KLHL20: variants seen among roughly 807,000 people sequenced by gnomAD.
The protein encoded by KLHL20 is kelch-like protein 20.
In KLHL20, 29 loss-of-function variants were observed where a neutral mutation model predicts 69.5. The observed-to-expected ratio is 0.42, with a 90% confidence interval of 0.31 to 0.57. The LOEUF is 0.57. KLHL20 is among the 20% of genes least tolerant of loss of function. The pLI is 0.18. For synonymous variants in KLHL20, 253 were observed against 265.2 expected (o/e 0.95, Z 0.45); for missense variants, 419 against 776.0 (o/e 0.54, Z 5.47).
chr1:173,748,150 A>G (rs1266126422), intron 3 of KLHL20, among the ~76,000 whole-genome samples: 1 of 152,112 alleles, frequency 6.6e-6, no homozygotes, highest in Non-Finnish European at 1.5e-5. Context: ...TATCTATGAA[A>G]TAAATTGAAT....
At chr1:173,726,108 C>T (rs182066392) in intron 2 of KLHL20, among the ~76,000 whole-genome samples, 1 of 152,192 alleles carries the variant, frequency 6.6e-6, no homozygotes, top group African/African-American at 2.4e-5. Context: ...TATCCCGCGC[C>T]TGGCTCAGAG....
At chr1:173,754,787 AAAG>A (rs778603676) in intron 5 of KLHL20, among the ~76,000 whole-genome samples, 4 of 152,186 alleles carry the variant, frequency 2.6e-5, no homozygotes, top group Non-Finnish European at 5.9e-5. Context: ...GTCATATTTA[AAAG>A]AAGACCCTTC....
At position 173,741,760 on chromosome 1, in the gene KLHL20, AT is replaced by A. The variant is rs1005533250; in HGVS notation, c.597+7476del. On this transcript the variant is annotated intron_variant, in intron 3 of 11. Transcript: ENST00000209884. The stretch of plus-strand genomic sequence containing the variant: ...AAGAAATGCCTGGTTCAGAGCCCCA[AT>A]TCCTACTTCATGGATGTGGAATGCC... 23 of 1,448,026 alleles carry A rather than the reference AT, an allele frequency of 1.6e-5. No individual in the cohort carries two copies. The African/African-American group carries it at 2.8e-4, about 18-fold the overall frequency. 89.7% of individuals were successfully genotyped at this position (1,448,026 alleles called of 1,614,324 possible).
chr1:173,771,605 T>C (rs1648096088), intron 8 of KLHL20, among the ~76,000 whole-genome samples: 1 of 152,024 alleles, frequency 6.6e-6, no homozygotes, highest in African/African-American at 2.4e-5. Flanking sequence ...AATGTATATA[T>C]GTATATTTTT....
At chr1:173,737,215 A>C (rs1488148634) in intron 3 of KLHL20, among the ~76,000 whole-genome samples, 1 of 152,196 alleles carries the variant, frequency 6.6e-6, no homozygotes, top group Non-Finnish European at 1.5e-5. Context: ...TGCTGTGCAG[A>C]AGCTTTTTAG....
intron 2 of KLHL20, among the ~76,000 whole-genome samples, chr1:173,723,897 C>T (rs970319544): frequency 6.6e-6 from 1 of 152,126 alleles, no homozygotes; most frequent in Admixed American, 6.5e-5. Flanking sequence ...ACAACAACAA[C>T]CTTTGTAGTA....
chr1:173,769,523 T>C (rs904847854), intron 8 of KLHL20, among the ~76,000 whole-genome samples: 2 of 152,140 alleles, frequency 1.3e-5, no homozygotes, highest in Non-Finnish European at 2.9e-5. Flanking sequence ...GCGCTGTGGC[T>C]CACACCCATA....
chr1:173,735,697 A>C (rs969843567), intron 3 of KLHL20, among the ~76,000 whole-genome samples: 2 of 152,072 alleles, frequency 1.3e-5, no homozygotes, highest in African/African-American at 4.8e-5. Context: ...TGGTGCATCC[A>C]CCACCCGAGC....
At chr1:173,733,408 T>C (rs574030320) in intron 2 of KLHL20, among the ~76,000 whole-genome samples, 167 of 152,290 alleles carry the variant, frequency 1.1e-3, no homozygotes, top group South Asian at 2.5e-3. Context: ...TGGATAAGCA[T>C]AACCACCTGA....
Position 173,716,001 on chromosome 1 carries a change from AGGTTC to A in KLHL20, c.-40_-36del. 2.5e-6 allele frequency: 4 copies of A among 1,603,794 alleles called. No individual in the cohort carries two copies. The South Asian group carries it at 4.5e-5, about 18-fold the overall frequency. ...TAAGTTCCTGCTTTTCTGTTGTCTT[AGGTTC>A]GGCTTTAGAGTGTGGTGAAGGGTAC... is the stretch of plus-strand genomic sequence containing the variant. On this transcript the variant is annotated splice_acceptor_variant and 5_prime_UTR_variant, in exon 2 of 12. Transcript: ENST00000209884. LOFTEE classifies it low-confidence loss of function (5UTR_SPLICE).
At chr1:173,764,723 G>C (rs1351854970) in intron 7 of KLHL20, among the ~76,000 whole-genome samples, 4 of 152,158 alleles carry the variant, frequency 2.6e-5, no homozygotes, top group Admixed American at 1.3e-4. Context: ...TGGGGACTTG[G>C]GGGGAAGAGT....
At chr1:173,743,561 C>G (rs910283752) in intron 3 of KLHL20, among the ~76,000 whole-genome samples, 6 of 150,454 alleles carry the variant, frequency 4.0e-5, no homozygotes, top group Non-Finnish European at 8.9e-5. Context: ...ACTCCATTTT[C>G]TGTCTACATT....
chr1:173,778,425 C>A (rs752910760), intron 10 of KLHL20, among the ~76,000 whole-genome samples: 1 of 152,046 alleles, frequency 6.6e-6, no homozygotes, highest in Non-Finnish European at 1.5e-5. Flanking sequence ...ACCTCCCAGG[C>A]TCAAGCCTTC....
At chr1:173,727,536 A>C (rs986250461) in intron 2 of KLHL20, among the ~76,000 whole-genome samples, 3 of 152,238 alleles carry the variant, frequency 2.0e-5, no homozygotes, top group Non-Finnish European at 4.4e-5. Flanking sequence ...AGCCCATCAG[A>C]CTAACAGCTG....
intron 3 of KLHL20, among the ~76,000 whole-genome samples, chr1:173,748,831 A>G (rs1673184622): frequency 6.6e-6 from 1 of 152,124 alleles, no homozygotes; most frequent in Admixed American, 6.6e-5. Context: ...GATTGTGGTC[A>G]TGTTTACATG....
At chr1:173,735,634 C>T (rs1031035296) in intron 3 of KLHL20, among the ~76,000 whole-genome samples, 5 of 152,022 alleles carry the variant, frequency 3.3e-5, no homozygotes, top group African/African-American at 1.2e-4. Context: ...TTTTGGAGAA[C>T]AGGTGGTGTT....
chr1:173,741,665 C>G, intron 3 of KLHL20: 1 of 704,500 alleles, frequency 1.4e-6, no homozygotes, highest in East Asian at 3.1e-5. Flanking sequence ...GATGACCTTC[C>G]CACAAGAACA....
chr1:173,750,488 C>CT lies in KLHL20; in HGVS notation c.598-1261dup, dbSNP rs61411580. On this transcript the variant is annotated intron_variant, in intron 3 of 11. Transcript: ENST00000209884. ...CCATGTCCGGCTAATTTTTCTTTTT[C>CT]TTTTTTTTTTTTTTTGAGATGGAGC... Among the ~76,000 whole-genome samples the CT allele has an allele frequency of 4.3e-3, 597 of 139,946 alleles. 5 individuals carry two copies. Among genetic ancestry groups the CT allele is most frequent in the African/African-American group, 9.8e-3 (372 of 37,928 alleles). 91.8% of individuals were successfully genotyped at this position (139,946 alleles called of 152,430 possible).
At chr1:173,767,885 G>T (rs1450574295) in intron 8 of KLHL20, among the ~76,000 whole-genome samples, 1 of 151,998 alleles carries the variant, frequency 6.6e-6, no homozygotes, top group East Asian at 1.9e-4. Context: ...AAGCCTTTTT[G>T]TTTGATGTAA....
Sources: gnomAD v4.1 joint callset for allele counts (sites outside exome capture counted in the v4.1 genomes callset) on GRCh38, gnomAD v4.1.1 for gene constraint, MANE v1.5 for transcripts, NCBI Gene and HGNC (gene_info 2026-07-23, HGNC 2026-07-21) for gene names.